The following PRICKLE1 variants were observed in gnomAD, a reference collection of about 807,000 sequenced individuals.
The protein encoded by PRICKLE1 is prickle-like protein 1.
Under a neutral mutation model 70.2 loss-of-function variants are expected in PRICKLE1, and 14 were observed. The observed-to-expected ratio is 0.20, with a 90% CI of 0.13 to 0.31. The LOEUF is 0.31. Ranked by LOEUF, PRICKLE1 falls within the 10% of genes least tolerant of loss-of-function variation. The pLI is 1.00. For synonymous variants in PRICKLE1, 357 were observed against 379.9 expected (o/e 0.94, Z 0.70); for missense variants, 821 against 1,026.2 (o/e 0.80, Z 2.73).
chr12:42,525,409 A>G (rs1939784239), intron 1 of PRICKLE1, among the ~76,000 whole-genome samples: 3 of 152,192 alleles, frequency 2.0e-5, no homozygotes, highest in Admixed American at 2.0e-4. Flanking sequence ...AGGGAACCCC[A>G]ATATAGAGCT....
chr12:42,531,133 G>A (rs1314604768), intron 1 of PRICKLE1, among the ~76,000 whole-genome samples: 2 of 17,706 alleles, frequency 1.1e-4, no homozygotes, highest in Non-Finnish European at 8.0e-4. Flanking sequence ...TGCAAGCTCC[G>A]CCTCCCAGGT....
chr12:42,580,506 G>A (rs559691287), intron 1 of PRICKLE1, among the ~76,000 whole-genome samples: 1 of 152,244 alleles, frequency 6.6e-6, no homozygotes, highest in South Asian at 2.1e-4. Context: ...TTATTATGTT[G>A]TTTTTCAGAT....
intron 7 of PRICKLE1, among the ~76,000 whole-genome samples, chr12:42,461,257 CTT>C (rs1249923849): frequency 6.6e-6 from 1 of 152,206 alleles, no homozygotes; most frequent in African/African-American, 2.4e-5. Context: ...AGCAGCAAAA[CTT>C]TAAGAGCTCT....
chr12:42,490,264 G>T (rs1377949521), intron 1 of PRICKLE1, among the ~76,000 whole-genome samples: 1 of 152,196 alleles, frequency 6.6e-6, no homozygotes, highest in Non-Finnish European at 1.5e-5. Context: ...GGACTAAAAG[G>T]ATTTGATCAG....
Position 42,464,528 on chromosome 12 carries a change from C to T in PRICKLE1, c.1506G>A (p.Leu502=), listed in dbSNP as rs200460878. Residue 502 remains leucine, a synonymous_variant, in exon 7 of 8, where the codon CTG becomes CTA. Coordinates refer to ENST00000345127, the MANE Select transcript of PRICKLE1 (RefSeq NM_153026.3). This position sits in a 1 kb window ranked among gnomAD's most constrained non-coding sequence, Gnocchi z 4.2. ...GATTATACCCTGAAGCCCCATGGTC[C>T]AGTTCCAATTCCTGAAGCCTTCTAC... ...ASSRRLQELE[L]DHGASGYNHD... is the part of the protein sequence containing the mutation. 6.2e-7 allele frequency: 1 copy of T among 1,613,994 alleles called. No homozygotes were observed. Among genetic ancestry groups the T allele is most frequent in the East Asian group, 2.2e-5 (1 of 44,850 alleles).
At chr12:42,516,615 C>A (rs1939616488) in intron 1 of PRICKLE1, among the ~76,000 whole-genome samples, 2 of 152,082 alleles carry the variant, frequency 1.3e-5, no homozygotes, top group Non-Finnish European at 2.9e-5. Context: ...TCTCTCTGTT[C>A]ATCCTCATCT....
At chr12:42,560,137 AT>A (rs2120698637) in intron 1 of PRICKLE1, among the ~76,000 whole-genome samples, 1 of 108,108 alleles carries the variant, frequency 9.3e-6, no homozygotes, top group Non-Finnish European at 1.8e-5. Context: ...TATTATTATT[AT>A]TATTATTATT....
intron 5 of PRICKLE1, among the ~76,000 whole-genome samples, chr12:42,467,184 C>G (rs575397794): frequency 2.0e-5 from 3 of 151,954 alleles, no homozygotes; most frequent in Non-Finnish European, 4.4e-5. Context: ...GGCGTGACCT[C>G]GGCTCACTGC....
At chr12:42,470,146 G>T in intron 3 of PRICKLE1, 100 bp downstream of exon 3, 1 of 852,126 alleles carries the variant, frequency 1.2e-6, no homozygotes, top group Non-Finnish European at 2.0e-6. Context: ...GCAAAAGGGA[G>T]CCCTCGCCAG....
intron 1 of PRICKLE1, among the ~76,000 whole-genome samples, chr12:42,492,635 T>C (rs1939126948): frequency 6.6e-6 from 1 of 152,256 alleles, no homozygotes; most frequent in Non-Finnish European, 1.5e-5. Flanking sequence ...TTACAAGCTT[T>C]AATTAGACTG....
chr12:42,464,482 C>A lies in PRICKLE1; in HGVS notation c.1552G>T (p.Glu518Ter). The change falls in exon 7 of 8, where the codon GAA becomes TAA. Residue 518 changes from glutamate to a stop codon, truncating the protein, a stop_gained. Coordinates refer to ENST00000345127, the MANE Select transcript of PRICKLE1 (RefSeq NM_153026.3). LOFTEE classifies it high-confidence loss of function. This position sits in a 1 kb window ranked among gnomAD's most constrained non-coding sequence, Gnocchi z 4.2. ...GYNHDETQWYEDSLECLSDLK... is the reference protein window; with the variant it reads ...GYNHDETQWY The stretch of plus-strand genomic sequence containing the variant: ...TCTGACAGACACTCCAGGGAATCTT[C>A]ATACCACTGTGTTTCATCATGATTA... 1.2e-6 allele frequency: 2 copies of A among 1,614,076 alleles called. No homozygotes were observed. Among genetic ancestry groups the A allele is most frequent in the Non-Finnish European group, 1.7e-6 (2 of 1,180,030 alleles).
intron 1 of PRICKLE1, among the ~76,000 whole-genome samples, chr12:42,575,436 T>C (rs1940787747): frequency 6.6e-6 from 1 of 152,214 alleles, no homozygotes; most frequent in East Asian, 1.9e-4. Context: ...GGCTCACGCC[T>C]GTAATCCCAG....
At chr12:42,465,435 T>A in intron 6 of PRICKLE1, 177 bp from the exon 7 acceptor site, 1 of 628,408 alleles carries the variant, frequency 1.6e-6, no homozygotes, top group Non-Finnish European at 2.7e-6. Flanking sequence ...TGCCTACTCA[T>A]AAAAATTTAT....
At chr12:42,513,560 T>C (rs1313279882) in intron 1 of PRICKLE1, among the ~76,000 whole-genome samples, 1 of 150,008 alleles carries the variant, frequency 6.7e-6, no homozygotes, top group African/African-American at 2.5e-5. Context: ...AAGATGCTGT[T>C]GGGCTGGAAA....
At chr12:42,519,358 G>A (rs894351979) in intron 1 of PRICKLE1, among the ~76,000 whole-genome samples, 10 of 151,850 alleles carry the variant, frequency 6.6e-5, no homozygotes, top group African/African-American at 2.2e-4. Flanking sequence ...CACCATGCCC[G>A]GCTAATTTTG....
intron 1 of PRICKLE1, among the ~76,000 whole-genome samples, chr12:42,518,293 C>T (rs1465092947): frequency 6.6e-6 from 1 of 152,128 alleles, no homozygotes; most frequent in East Asian, 1.9e-4. Flanking sequence ...ATCCTTCTGC[C>T]TCAGCCTTCC....
chr12:42,544,056 A>C (rs1940164550), intron 1 of PRICKLE1, among the ~76,000 whole-genome samples: 1 of 122,002 alleles, frequency 8.2e-6, no homozygotes. Flanking sequence ...AAGTAGGTTG[A>C]GAAGAAGGAA....
intron 1 of PRICKLE1, among the ~76,000 whole-genome samples, chr12:42,587,454 C>G (rs1326387470): frequency 6.6e-6 from 1 of 152,204 alleles, no homozygotes; most frequent in East Asian, 1.9e-4. Context: ...AGCAAGTGTG[C>G]AAACCCTTAA....
At position 42,464,434 on chromosome 12, in the gene PRICKLE1, G is replaced by A. The variant is rs936545109; in HGVS notation, c.1600C>T (p.Arg534Trp). 1.2e-5 allele frequency: 19 copies of A among 1,613,784 alleles called. No homozygotes were observed. The highest frequency in any genetic ancestry group is 5.3e-5 in the African/African-American group (4 of 74,824). ...LSDLKPEQSV[R>W]DSMDSLALSN... ...AATGCCAAAGAATCCATCGAATCCCGAACACTTTGCTCTGGTTTCAGGTCT... is the reference window on the plus strand; with the variant it reads ...AATGCCAAAGAATCCATCGAATCCCAAACACTTTGCTCTGGTTTCAGGTCT... The change falls in exon 7 of 8, where the codon CGG (arginine) becomes TGG (tryptophan). Residue 534 changes from arginine (R) to tryptophan (W), a missense_variant. By Grantham distance (101) the Arg-to-Trp change is moderately radical (BLOSUM62 -3). Transcript: ENST00000345127. This position sits in a 1 kb window ranked among gnomAD's most constrained non-coding sequence, Gnocchi z 4.2.
Sources: allele counts gnomAD v4.1 joint callset (sites outside exome capture counted in the v4.1 genomes callset), GRCh38; gene constraint gnomAD v4.1.1; non-coding constraint Gnocchi (gnomAD v3.1); transcripts MANE v1.5; gene names NCBI Gene and HGNC (gene_info 2026-07-23, HGNC 2026-07-21).